The following C12orf56 variants were observed in gnomAD, a reference collection of about 807,000 sequenced individuals.
C12orf56 encodes the protein uncharacterized protein C12orf56.
A neutral mutation model predicts 69.9 loss-of-function variants in C12orf56; 71 were observed. That is an observed-to-expected ratio of 1.02 (90% CI 0.84 to 1.24). C12orf56 has a LOEUF of 1.24. Ranked by LOEUF, C12orf56 falls within the 50% of genes most tolerant of loss-of-function variation. C12orf56 has a pLI of 0.00. For missense variants in C12orf56, 732 were observed against 738.5 expected (o/e 0.99, Z 0.10); for synonymous variants, 276 against 274.1 (o/e 1.01, Z -0.07).
intron 1 of C12orf56, among the ~76,000 whole-genome samples, chr12:64,360,929 AATT>A (rs1378184407): frequency 6.6e-6 from 1 of 152,158 alleles, no homozygotes; most frequent in African/African-American, 2.4e-5. Flanking sequence ...AATTGCATAA[AATT>A]ATTATTGGGA....
chr12:64,336,982 A>G (rs1052950143), intron 2 of C12orf56, among the ~76,000 whole-genome samples: 2 of 152,140 alleles, frequency 1.3e-5, no homozygotes, highest in Admixed American at 6.6e-5. Context: ...GGAAACTGAG[A>G]CTCATAAAGG....
intron 1 of C12orf56, 68 bp from the exon 2 acceptor site, chr12:64,353,124 T>G (rs765758258): frequency 2.7e-6 from 4 of 1,491,708 alleles, no homozygotes; most frequent in Non-Finnish European, 3.7e-6. Context: ...GTATAATAAA[T>G]CCCCCAAAGC....
intron 6 of C12orf56, among the ~76,000 whole-genome samples, chr12:64,297,888 T>C (rs939798361): frequency 6.6e-6 from 1 of 152,238 alleles, no homozygotes; most frequent in African/African-American, 2.4e-5. Context: ...TATAATCCTT[T>C]GGGTATATAC....
chr12:64,371,903 C>CTT (rs750455670), intron 1 of C12orf56, among the ~76,000 whole-genome samples: 96 of 121,858 alleles, frequency 7.9e-4, no homozygotes, highest in African/African-American at 3.5e-3. Context: ...GCAATGATTT[C>CTT]TTTTTTTTTT....
In C12orf56 at chr12:64,265,363, A is replaced by C. The variant is rs1169326577; in HGVS notation, c.*1820T>G. The C allele has an allele frequency of 6.6e-6, 1 of 152,216 alleles. No homozygotes were observed. Among genetic ancestry groups the C allele is most frequent in the Non-Finnish European group, 1.5e-5 (1 of 68,070 alleles). 9.4% of individuals were successfully genotyped at this position (152,216 alleles called of 1,614,324 possible). A position where few individuals can be genotyped will look rare whatever the true frequency, so the allele number is the denominator to read the frequency against. On this transcript the variant is annotated 3_prime_UTR_variant, in exon 13 of 13. Transcript: ENST00000543942. ...ACACTTTATGGGGTGATGGCTGGTG[A>C]CAGCTGAAAGGGAAACTTTGGGTAA...
intron 2 of C12orf56, among the ~76,000 whole-genome samples, chr12:64,350,348 T>A (rs543709670): frequency 1.3e-5 from 2 of 152,158 alleles, no homozygotes; most frequent in South Asian, 4.2e-4. Context: ...AAAATGAAAT[T>A]CAAGTTTGAA....
chr12:64,342,677 AG>A (rs2039090424), intron 2 of C12orf56, among the ~76,000 whole-genome samples: 1 of 152,202 alleles, frequency 6.6e-6, no homozygotes, highest in African/African-American at 2.4e-5. Flanking sequence ...GAAAGCACCC[AG>A]TTCATGATAG....
chr12:64,321,982 AT>A (rs796301427), intron 3 of C12orf56, among the ~76,000 whole-genome samples: 60 of 148,240 alleles, frequency 4.0e-4, no homozygotes, highest in African/African-American at 1.3e-3. Flanking sequence ...CTTTTCATTA[AT>A]TTTTTTTTAC....
intron 3 of C12orf56, 46 bp from the exon 4 acceptor site, chr12:64,319,026 A>T: frequency 7.1e-7 from 1 of 1,408,670 alleles, no homozygotes; most frequent in Non-Finnish European, 9.3e-7. Context: ...AAAATTTCAC[A>T]GTAAGCAACA....
chr12:64,332,350 C>T (rs1434674908), intron 2 of C12orf56, among the ~76,000 whole-genome samples: 2 of 149,616 alleles, frequency 1.3e-5, no homozygotes, highest in African/African-American at 4.9e-5. Context: ...TGCATGAGTT[C>T]CTTCCAAAGT....
intron 2 of C12orf56, among the ~76,000 whole-genome samples, chr12:64,344,015 AT>A (rs2039109169): frequency 6.6e-6 from 1 of 152,166 alleles, no homozygotes; most frequent in African/African-American, 2.4e-5. Flanking sequence ...CTAAAACTCC[AT>A]TAATTACCTG....
At chr12:64,345,743 A>C (rs559535895) in intron 2 of C12orf56, among the ~76,000 whole-genome samples, 2 of 152,130 alleles carry the variant, frequency 1.3e-5, no homozygotes, top group African/African-American at 4.8e-5. Context: ...ATTTTCTTTC[A>C]TCACTTTGTC....
At chr12:64,373,127 C>T (rs532239757) in intron 1 of C12orf56, among the ~76,000 whole-genome samples, 1 of 152,206 alleles carries the variant, frequency 6.6e-6, no homozygotes, top group South Asian at 2.1e-4. Context: ...TTATGAGTTA[C>T]TCAAAAACAG....
intron 2 of C12orf56, among the ~76,000 whole-genome samples, chr12:64,339,461 A>G (rs1242783492): frequency 6.6e-6 from 1 of 152,202 alleles, no homozygotes; most frequent in Non-Finnish European, 1.5e-5. Context: ...CAAAGCCTCC[A>G]TGCCCTCTCC....
At chr12:64,369,491 C>T (rs2135971395) in intron 1 of C12orf56, among the ~76,000 whole-genome samples, 1 of 152,116 alleles carries the variant, frequency 6.6e-6, no homozygotes, top group Admixed American at 6.6e-5. Flanking sequence ...AGCCACTGTG[C>T]CTGGCCTTAA....
At chr12:64,374,965 G>A (rs1003614293) in intron 1 of C12orf56, among the ~76,000 whole-genome samples, 9 of 152,084 alleles carry the variant, frequency 5.9e-5, no homozygotes, top group South Asian at 2.1e-4. Context: ...ATTGGAATAC[G>A]TTCTTAAATA....
chr12:64,316,604 C>T (rs934750787), intron 4 of C12orf56, among the ~76,000 whole-genome samples: 6 of 152,016 alleles, frequency 3.9e-5, no homozygotes, highest in African/African-American at 1.4e-4. Context: ...GATAGTCTTC[C>T]TCCACCCACA....
intron 1 of C12orf56, among the ~76,000 whole-genome samples, chr12:64,356,149 C>A (rs536746449): frequency 5.2e-5 from 7 of 135,228 alleles, no homozygotes; most frequent in Non-Finnish European, 9.1e-5. Context: ...GGGCCTGTTG[C>A]CCAGGAGCAA....
intron 1 of C12orf56, among the ~76,000 whole-genome samples, chr12:64,367,932 G>A (rs369191466): frequency 1.9e-3 from 285 of 150,718 alleles, no homozygotes; most frequent in African/African-American, 5.1e-3. Flanking sequence ...CTCAGACTCC[G>A]GAGTAGCTGG....
Sources: allele counts gnomAD v4.1 joint callset (sites outside exome capture counted in the v4.1 genomes callset), GRCh38; gene constraint gnomAD v4.1.1; transcripts MANE v1.5; gene names NCBI Gene and HGNC (gene_info 2026-07-23, HGNC 2026-07-21).